Variants in IYD observed in about 807,000 individuals in gnomAD.
IYD encodes the protein iodotyrosine deiodinase.
In IYD, 25 loss-of-function variants were observed where a neutral mutation model predicts 28.4. The observed-to-expected ratio is 0.88, with a 90% confidence interval of 0.64 to 1.23. IYD has a LOEUF of 1.23. IYD is among the 50% of genes most tolerant of loss of function. The probability of loss-of-function intolerance (pLI) is 0.00; values close to 1 mark genes in which losing one functional copy is unlikely to be tolerated. For missense variants in IYD, 352 were observed against 357.9 expected, an observed-to-expected ratio of 0.98 and a Z score of 0.13; for synonymous variants, 140 against 130.8, an observed-to-expected ratio of 1.07 and a Z score of -0.48.
chr6:150,375,866 G>A (rs911048449), intron 1 of IYD, among the ~76,000 whole-genome samples: 11 of 152,130 alleles, frequency 7.2e-5, no homozygotes, highest in Non-Finnish European at 1.3e-4. Flanking sequence ...ATTGCAAGAA[G>A]GGAACAAGGA....
chr6:150,369,678 C>T (rs1266979047), intron 1 of IYD, among the ~76,000 whole-genome samples: 1 of 152,180 alleles, frequency 6.6e-6, no homozygotes, highest in Non-Finnish European at 1.5e-5. Flanking sequence ...TCCAGTTCAG[C>T]TGCCAAGATG....
chr6:150,389,363 T>C lies in IYD; in HGVS notation c.190T>C (p.Trp64Arg). Residue 64 changes from tryptophan (W) to arginine (R), a missense_variant, in exon 2 of 5, where the codon TGG becomes CGG. Transcript: ENST00000344419. ...ATTCTTATTTGCAGATGCTGATGAA[T>C]GGCAAGAATCAGAAGAAAATGTTGA... ...LHQAEEDADE[W>R]QESEENVEHI... 1 of 1,613,422 alleles carries C rather than the reference T, an allele frequency of 6.2e-7. No individual in the cohort carries two copies. Among genetic ancestry groups the C allele is most frequent in the Non-Finnish European group, 8.5e-7 (1 of 1,179,372 alleles).
chr6:150,389,229 T>C, intron 1 of IYD, 123 bp from the exon 2 acceptor site: 1 of 703,070 alleles, frequency 1.4e-6, no homozygotes, highest in Non-Finnish European at 2.5e-6. Context: ...TCTTTTTTCA[T>C]TTTATAGTAT....
chr6:150,381,179 G>T (rs1777634011), intron 1 of IYD, among the ~76,000 whole-genome samples: 2 of 152,152 alleles, frequency 1.3e-5, no homozygotes, highest in African/African-American at 4.8e-5. Flanking sequence ...TTTCTTGAAA[G>T]TATTGATATT....
intron 1 of IYD, among the ~76,000 whole-genome samples, chr6:150,380,426 A>G (rs1777605658): frequency 6.6e-6 from 1 of 152,242 alleles, no homozygotes. Flanking sequence ...AATATAAAAC[A>G]GATCAACTTT....
intron 1 of IYD, among the ~76,000 whole-genome samples, chr6:150,370,308 AGT>A (rs1295611012): frequency 4.0e-5 from 6 of 149,030 alleles, no homozygotes; most frequent in East Asian, 4.0e-4. Context: ...TGTGTGCATG[AGT>A]GTGTGTGCAC....
At chr6:150,395,810 G>A in intron 4 of IYD, 2 of 615,066 alleles carry the variant, frequency 3.3e-6, no homozygotes, top group East Asian at 2.7e-5. Flanking sequence ...AAGCTGGAGA[G>A]GGGCAGGCGG....
intron 1 of IYD, among the ~76,000 whole-genome samples, chr6:150,386,294 A>G (rs575325338): frequency 6.6e-6 from 1 of 151,930 alleles, no homozygotes; most frequent in Non-Finnish European, 1.5e-5. Context: ...TATTGCATAG[A>G]TTTTTCAATA....
chr6:150,389,591 G>C lies in IYD; in HGVS notation c.370+48G>C, dbSNP rs11963876. The C allele has an allele frequency of 2.8e-4, 409 of 1,453,406 alleles. No homozygotes were observed. The African/African-American group carries it at 4.7e-3, about 17-fold the overall frequency. 90.0% of individuals were successfully genotyped at this position (1,453,406 alleles called of 1,614,324 possible). A position where few individuals can be genotyped will look rare whatever the true frequency, so the allele number is the denominator to read the frequency against. ...TTTGGAAATGTTAGTCACCTTACTGGTGTGACTCCAACAATGGAAAAATGT... is the reference window on the plus strand; with the variant it reads ...TTTGGAAATGTTAGTCACCTTACTGCTGTGACTCCAACAATGGAAAAATGT... On this transcript the variant is annotated intron_variant, in intron 2 of 4. Transcript: ENST00000344419.
In IYD at chr6:150,401,453, T is replaced by G. The variant is rs1778506970; in HGVS notation, c.*3216T>G. 1 of 152,122 alleles carries G rather than the reference T, an allele frequency of 6.6e-6. No homozygotes were observed. The highest frequency in any genetic ancestry group is 2.1e-4 in the South Asian group (1 of 4,824). 9.4% of individuals were successfully genotyped at this position (152,122 alleles called of 1,614,324 possible). On this transcript the variant is annotated 3_prime_UTR_variant, in exon 5 of 5. Coordinates refer to ENST00000344419, the MANE Select transcript of IYD (RefSeq NM_203395.3). ...CATTTCAGCCTGCCGCCCCTTGGAA[T>G]GGAGGGTCTTCTAGGGACCAGAAAC...
intron 1 of IYD, among the ~76,000 whole-genome samples, chr6:150,377,479 G>A (rs905138934): frequency 3.9e-5 from 6 of 152,164 alleles, no homozygotes; most frequent in Non-Finnish European, 5.9e-5. Flanking sequence ...ATGGCAGCCC[G>A]GCTGTGCACT....
intron 4 of IYD, chr6:150,395,521 A>G (rs1778280556): frequency 1.3e-6 from 2 of 1,537,240 alleles, no homozygotes; most frequent in Admixed American, 2.0e-5. Context: ...GGGTCCTGGA[A>G]GAAGCAGCGA....
At chr6:150,383,126 C>A (rs926443308) in intron 1 of IYD, among the ~76,000 whole-genome samples, 1 of 152,310 alleles carries the variant, frequency 6.6e-6, no homozygotes, top group East Asian at 1.9e-4. Flanking sequence ...GACACTAATA[C>A]TCTGGGATGA....
At chr6:150,396,261 AC>A (rs1299417789) in intron 4 of IYD, 2 of 402,606 alleles carry the variant, frequency 5.0e-6, no homozygotes, top group Middle Eastern at 6.4e-4. Flanking sequence ...GAATATGAAA[AC>A]TTTTTTTTTC....
chr6:150,396,794 A>G (rs943265210), intron 4 of IYD: 2 of 183,966 alleles, frequency 1.1e-5, no homozygotes, highest in African/African-American at 2.4e-5. Context: ...GAATGGCGTG[A>G]ACCTGGGAGG....
At chr6:150,370,096 C>G (rs1777166141) in intron 1 of IYD, 2 of 698,600 alleles carry the variant, frequency 2.9e-6, no homozygotes, top group East Asian at 5.4e-5. Flanking sequence ...TTGGAAGAGG[C>G]TCTGTGATCT....
rs954585212 is a variant in IYD, at chr6:150,398,267, A to G, written c.*30A>G. On this transcript the variant is annotated 3_prime_UTR_variant, in exon 5 of 5. Coordinates refer to ENST00000344419, the MANE Select transcript of IYD (RefSeq NM_203395.3). ...GGCCCCCCAAGGGAGTGGCAGGGAG[A>G]TGGCGCCCCTGCTTTTCCCTGAGCC... is the stretch of plus-strand genomic sequence containing the variant. 14 of 1,607,924 alleles carry G rather than the reference A, an allele frequency of 8.7e-6. No individual in the cohort carries two copies. Among genetic ancestry groups the G allele is most frequent in the Middle Eastern group, 1.8e-4 (1 of 5,638 alleles).
rs1265487012 is a variant in IYD at position 150,389,607 on chromosome 6, G to T, written c.370+64G>T. ...ACCTTACTGGTGTGACTCCAACAATGGAAAAATGTCAAAGTTTAAACATAG... is the reference window on the plus strand; with the variant it reads ...ACCTTACTGGTGTGACTCCAACAATTGAAAAATGTCAAAGTTTAAACATAG... On this transcript the variant is annotated intron_variant, in intron 2 of 4. Transcript: ENST00000344419. The T allele has an allele frequency of 3.6e-6, 5 of 1,378,552 alleles. No individual in the cohort carries two copies. The East Asian group carries it at 1.1e-4, about 31-fold the overall frequency. The allele number at this position is 1,378,552 out of a possible 1,614,324, so 85.4% of individuals were successfully genotyped here.
In IYD at chr6:150,393,410, G is replaced by T. The variant is rs184129070; in HGVS notation, c.531-689G>T. On this transcript the variant is annotated intron_variant, in intron 3 of 4. Coordinates refer to ENST00000344419, the MANE Select transcript of IYD (RefSeq NM_203395.3). The stretch of plus-strand genomic sequence containing the variant: ...AGTGTAACATACAGATATTCATAGC[G>T]TAAGAGGAGCCATGGAGAAATACAC... Among the ~76,000 whole-genome samples the T allele has an allele frequency of 8.1e-4, 124 of 152,194 alleles. 1 individual carries two copies. Among genetic ancestry groups the T allele is most frequent in the Non-Finnish European group, 1.5e-3 (101 of 68,032 alleles).
Sources: allele counts gnomAD v4.1 joint callset (sites outside exome capture counted in the v4.1 genomes callset), GRCh38; gene constraint gnomAD v4.1.1; transcripts MANE v1.5; gene names NCBI Gene and HGNC (gene_info 2026-07-23, HGNC 2026-07-21).